CAST: variants seen among roughly 807,000 people sequenced by gnomAD.
The protein encoded by CAST is MIR583 host.
In CAST, 76 loss-of-function variants were observed where a neutral mutation model predicts 119.6. The ratio of observed to expected loss-of-function variants is 0.64; its 90% CI spans 0.53 to 0.77. The LOEUF (loss-of-function observed/expected upper bound fraction) is 0.77. Ranked by LOEUF, CAST falls within the 30% of genes least tolerant of loss-of-function variation. The probability of loss-of-function intolerance (pLI) is 0.00; values close to 1 mark genes in which losing one functional copy is unlikely to be tolerated. For missense variants in CAST, 953 were observed against 946.5 expected (o/e 1.01, Z -0.09); for synonymous variants, 319 against 331.6 (o/e 0.96, Z 0.41).
chr5:96,432,196 A>G, the CAST span: 18 of 1,443,320 alleles, frequency 1.2e-5, no homozygotes, highest in Non-Finnish European at 1.6e-5. Context: ...ATAAGTTCCC[A>G]GTGAAAAGCC....
At chr5:96,764,841 C>G (rs756976766) in intron 25 of CAST, among the ~76,000 whole-genome samples, 1 of 152,134 alleles carries the variant, frequency 6.6e-6, no homozygotes, top group African/African-American at 2.4e-5. Flanking sequence ...TGTTTAATTT[C>G]TAAATGAAAG....
At chr5:96,187,406 C>T in the CAST span, among the ~76,000 whole-genome samples, 6 of 151,978 alleles carry the variant, frequency 3.9e-5, no homozygotes, top group South Asian at 2.1e-4. Context: ...TGTTTTCTCT[C>T]GGTTCTCTAG....
chr5:96,762,402 A>G, intron 25 of CAST, 30 bp downstream of exon 25: 1 of 1,496,746 alleles, frequency 6.7e-7, no homozygotes, highest in Non-Finnish European at 9.0e-7. Context: ...TGGGAGATAA[A>G]TGTTTTTGCG....
the CAST span, among the ~76,000 whole-genome samples, chr5:96,332,742 A>G: frequency 2.0e-5 from 3 of 152,190 alleles, no homozygotes; most frequent in African/African-American, 4.8e-5. Flanking sequence ...CTGACACTGC[A>G]TAGGTTCCTT....
the CAST span, among the ~76,000 whole-genome samples, chr5:96,135,418 CA>C: frequency 1.8e-4 from 27 of 152,082 alleles, no homozygotes; most frequent in African/African-American, 6.5e-4. Flanking sequence ...ATGGAAAAGG[CA>C]AAATCAAGAA....
intron 19 of CAST, 150 bp from the exon 20 acceptor site, chr5:96,750,437 G>T: frequency 2.3e-6 from 1 of 440,470 alleles, no homozygotes. Context: ...AGCATGCTTT[G>T]ACTTATTTAC....
At chr5:96,174,769 A>G in the CAST span, among the ~76,000 whole-genome samples, 2 of 152,240 alleles carry the variant, frequency 1.3e-5, no homozygotes, top group Non-Finnish European at 2.9e-5. Flanking sequence ...TAGTGTTGCC[A>G]TAGAATTAAT....
At chr5:96,687,640 T>A (rs1752235353) in intron 2 of CAST, among the ~76,000 whole-genome samples, 1 of 152,226 alleles carries the variant, frequency 6.6e-6, no homozygotes, top group Non-Finnish European at 1.5e-5. Context: ...CTAAATGATC[T>A]AATTCAAGCT....
At chr5:96,296,775 G>T in the CAST span, among the ~76,000 whole-genome samples, 1 of 152,164 alleles carries the variant, frequency 6.6e-6, no homozygotes, top group Non-Finnish European at 1.5e-5. Context: ...CCAGGCTATT[G>T]TAATACTGCA....
At chr5:96,248,864 A>C in the CAST span, among the ~76,000 whole-genome samples, 1 of 152,200 alleles carries the variant, frequency 6.6e-6, no homozygotes, top group Non-Finnish European at 1.5e-5. Flanking sequence ...TTGTTGTCAG[A>C]TGTATTATGA....
chr5:96,355,015 G>A, the CAST span, among the ~76,000 whole-genome samples: 1 of 151,754 alleles, frequency 6.6e-6, no homozygotes, highest in African/African-American at 2.4e-5. Context: ...ATTCTTTATA[G>A]TTCTTTTTTT....
intron 2 of CAST, among the ~76,000 whole-genome samples, chr5:96,694,202 A>G (rs147164450): frequency 1.2e-3 from 178 of 152,334 alleles, no homozygotes; most frequent in African/African-American, 4.1e-3. Flanking sequence ...TACATATAAA[A>G]TATTTGTTGC....
the CAST span, among the ~76,000 whole-genome samples, chr5:96,353,806 A>T: frequency 6.6e-6 from 1 of 151,558 alleles, no homozygotes; most frequent in Non-Finnish European, 1.5e-5. Context: ...TGCAAACAGC[A>T]TGTGGTGAAT....
the CAST span, among the ~76,000 whole-genome samples, chr5:96,081,619 T>A: frequency 6.6e-6 from 1 of 152,088 alleles, no homozygotes; most frequent in African/African-American, 2.4e-5. Context: ...GACTGACTAC[T>A]GAAGACCAGA....
At chr5:96,748,798 C>A (rs1318883152) in intron 19 of CAST, 185 bp downstream of exon 19, 3 of 499,172 alleles carry the variant, frequency 6.0e-6, no homozygotes, top group Non-Finnish European at 1.1e-5. Context: ...GATATTCTTG[C>A]AATTGAAGTC....
At chr5:96,220,267 G>A in the CAST span, among the ~76,000 whole-genome samples, 10 of 152,088 alleles carry the variant, frequency 6.6e-5, no homozygotes, top group East Asian at 1.5e-3. Context: ...ATGATGCTTC[G>A]GGCTGTGGCA....
chr5:96,648,856 A>G (rs1193949695), intron 1 of CAST, among the ~76,000 whole-genome samples: 2 of 152,122 alleles, frequency 1.3e-5, no homozygotes, highest in East Asian at 3.9e-4. Flanking sequence ...TACTCAGTAA[A>G]GATGGTCCAT....
At chr5:96,363,496 C>T in the CAST span, among the ~76,000 whole-genome samples, 1 of 152,116 alleles carries the variant, frequency 6.6e-6, no homozygotes, top group Non-Finnish European at 1.5e-5. Flanking sequence ...TTGTTTGTGT[C>T]CTCTTTTATG....
chr5:96,396,888 A>G, the CAST span, among the ~76,000 whole-genome samples: 2 of 152,238 alleles, frequency 1.3e-5, no homozygotes, highest in Non-Finnish European at 2.9e-5. Context: ...TAAATAAGAT[A>G]TCTCTCCAAA....
Sources: allele counts gnomAD v4.1 joint callset (sites outside exome capture counted in the v4.1 genomes callset), GRCh38; gene constraint gnomAD v4.1.1; transcripts MANE v1.5; gene names NCBI Gene and HGNC (gene_info 2026-07-23, HGNC 2026-07-21).